ASTN2: variants seen among roughly 807,000 people sequenced by gnomAD.
ASTN2 encodes astrotactin 2.
ASTN2 carries 54 observed loss-of-function variants against 139.8 expected under a neutral mutation model. The ratio of observed to expected loss-of-function variants is 0.39; its 90% CI spans 0.31 to 0.48. The LOEUF is 0.48. Ranked by LOEUF, ASTN2 falls within the 20% of genes least tolerant of loss-of-function variation. The pLI is 0.95. For missense variants in ASTN2, 1,565 were observed against 1,725.1 expected, an observed-to-expected ratio of 0.91 and a Z score of 1.64; for synonymous variants, 756 against 719.5, an observed-to-expected ratio of 1.05 and a Z score of -0.81.
chr9:116,904,136 G>A (rs973609770), intron 10 of ASTN2, among the ~76,000 whole-genome samples: 2 of 152,292 alleles, frequency 1.3e-5, no homozygotes, highest in South Asian at 4.1e-4. Flanking sequence ...ACTGCACATG[G>A]GTGAGGACAG....
intron 10 of ASTN2, among the ~76,000 whole-genome samples, chr9:116,961,697 A>C (rs1228432698): frequency 6.6e-6 from 1 of 152,240 alleles, no homozygotes; most frequent in Non-Finnish European, 1.5e-5. Context: ...CCAATGACTC[A>C]ATCATCATGT....
intron 10 of ASTN2, among the ~76,000 whole-genome samples, chr9:116,905,781 G>A (rs1403820563): frequency 6.7e-6 from 1 of 148,644 alleles, no homozygotes; most frequent in African/African-American, 2.5e-5. Context: ...GTGGCTTAAG[G>A]GTAGACCTCC....
chr9:116,669,564 A>G (rs1859066651), intron 16 of ASTN2, among the ~76,000 whole-genome samples: 1 of 152,076 alleles, frequency 6.6e-6, no homozygotes, highest in Admixed American at 6.5e-5. Flanking sequence ...CCATATGTCT[A>G]TCTTCCTTGG....
At chr9:116,746,192 T>G (rs1829229174) in intron 13 of ASTN2, among the ~76,000 whole-genome samples, 2 of 151,532 alleles carry the variant, frequency 1.3e-5, no homozygotes, top group African/African-American at 4.9e-5. Context: ...ATTCAAGCGA[T>G]TCTCCTGCCT....
chr9:117,181,437 A>G (rs1831064209), intron 3 of ASTN2, among the ~76,000 whole-genome samples: 1 of 152,230 alleles, frequency 6.6e-6, no homozygotes, highest in South Asian at 2.1e-4. Context: ...AACTTGTTGA[A>G]GGTATTAATC....
intron 1 of ASTN2, among the ~76,000 whole-genome samples, chr9:117,360,336 G>C (rs908401195): frequency 6.6e-6 from 1 of 152,172 alleles, no homozygotes; most frequent in Admixed American, 6.5e-5. Flanking sequence ...AATCAAGAAA[G>C]AGTCCAGGGA....
At chr9:117,324,647 C>T (rs1394378929) in intron 1 of ASTN2, among the ~76,000 whole-genome samples, 1 of 152,084 alleles carries the variant, frequency 6.6e-6, no homozygotes, top group Admixed American at 6.5e-5. Flanking sequence ...CACAGACAAA[C>T]CATATCATGG....
At chr9:116,896,343 G>T (rs1380866309) in intron 10 of ASTN2, among the ~76,000 whole-genome samples, 1 of 152,060 alleles carries the variant, frequency 6.6e-6, no homozygotes, top group African/African-American at 2.4e-5. Context: ...TTTTTATTTT[G>T]ATTTTTTTAT....
chr9:116,791,117 A>G lies in ASTN2; in HGVS notation c.2396+14515T>C, dbSNP rs4837881. ...TGATCCACCTGCCTAGGCCTCCCAA[A>G]GTGCTGGGATTACAGGCGTGAGCCA... is the stretch of plus-strand genomic sequence containing the variant. On this transcript the variant is annotated intron_variant, in intron 13 of 22. Coordinates refer to ENST00000313400, the MANE Select transcript of ASTN2 (RefSeq NM_001365068.1). Among the ~76,000 whole-genome samples, 815 of 152,132 alleles carry G rather than the reference A, an allele frequency of 5.4e-3. 13 individuals carry two copies. The highest frequency in any genetic ancestry group is 0.035 in the Admixed American group (539 of 15,254).
intron 17 of ASTN2, among the ~76,000 whole-genome samples, chr9:116,638,431 A>G (rs1297003894): frequency 6.6e-6 from 1 of 152,180 alleles, no homozygotes; most frequent in Non-Finnish European, 1.5e-5. Context: ...GAAAGATGTG[A>G]CCAGATGAAA....
intron 5 of ASTN2, among the ~76,000 whole-genome samples, chr9:117,043,146 C>G (rs149832164): frequency 1.3e-5 from 2 of 152,286 alleles, no homozygotes; most frequent in Non-Finnish European, 2.9e-5. Context: ...GCTGGGATTA[C>G]AGGCACGAAC....
At chr9:117,274,834 G>A (rs994722086) in intron 2 of ASTN2, among the ~76,000 whole-genome samples, 9 of 152,106 alleles carry the variant, frequency 5.9e-5, no homozygotes, top group Admixed American at 2.6e-4. Flanking sequence ...TCTTCCAATT[G>A]GATTAGGAAC....
intron 1 of ASTN2, among the ~76,000 whole-genome samples, chr9:117,360,173 C>A (rs2130894023): frequency 6.6e-6 from 1 of 152,254 alleles, no homozygotes; most frequent in South Asian, 2.1e-4. Context: ...AACTGTCAAA[C>A]ATTTGCTGAA....
chr9:116,817,364 C>A (rs1326636101), intron 12 of ASTN2, among the ~76,000 whole-genome samples: 1 of 151,978 alleles, frequency 6.6e-6, no homozygotes, highest in Non-Finnish European at 1.5e-5. Context: ...ATAACTCACA[C>A]CTGATGCCTC....
intron 1 of ASTN2, among the ~76,000 whole-genome samples, chr9:117,304,021 T>C (rs1834940199): frequency 1.3e-5 from 2 of 152,192 alleles, no homozygotes; most frequent in Non-Finnish European, 2.9e-5. Flanking sequence ...CAAAACCTGC[T>C]GCTAACCACA....
At chr9:117,334,592 T>C (rs1219572648) in intron 1 of ASTN2, among the ~76,000 whole-genome samples, 3 of 151,728 alleles carry the variant, frequency 2.0e-5, no homozygotes, top group African/African-American at 7.3e-5. Flanking sequence ...CCAGCCAAAC[T>C]GCCCTCCCTG....
chr9:116,467,886 T>C (rs1368851584), intron 20 of ASTN2, among the ~76,000 whole-genome samples: 1 of 152,172 alleles, frequency 6.6e-6, no homozygotes, highest in East Asian at 1.9e-4. Context: ...CAGAATGAAG[T>C]TTGCTCCTAC....
chr9:117,363,407 C>T (rs952521509), intron 1 of ASTN2, among the ~76,000 whole-genome samples: 1 of 152,154 alleles, frequency 6.6e-6, no homozygotes, highest in Non-Finnish European at 1.5e-5. Flanking sequence ...ATAAGTAAAA[C>T]AAAGCGCAGA....
chr9:117,349,265 G>A (rs181028567), intron 1 of ASTN2, among the ~76,000 whole-genome samples: 140 of 152,308 alleles, frequency 9.2e-4, no homozygotes, highest in African/African-American at 2.9e-3. Context: ...GAACATGATC[G>A]TCTCTGCCTG....
Sources: allele counts gnomAD v4.1 joint callset (sites outside exome capture counted in the v4.1 genomes callset), GRCh38; gene constraint gnomAD v4.1.1; transcripts MANE v1.5; gene names NCBI Gene and HGNC (gene_info 2026-07-23, HGNC 2026-07-21).